TMEM272: variants seen among roughly 807,000 people sequenced by gnomAD.
The protein encoded by TMEM272 is transmembrane protein 272, also known as long intergenic non-protein coding RNA 282.
A neutral mutation model predicts 3.7 loss-of-function variants in TMEM272; 8 were observed. The observed-to-expected ratio is 2.17, with a 90% CI of 1.27 to 3.91. The LOEUF is 3.91. Ranked by LOEUF, TMEM272 falls within the 30% of genes most tolerant of loss-of-function variation. The pLI, the probability that TMEM272 is intolerant of heterozygous loss-of-function variation, is 0.00. For missense variants in TMEM272, 166 were observed against 91.5 expected, an observed-to-expected ratio of 1.81 and a Z score of -3.32; for synonymous variants, 63 against 39.8, an observed-to-expected ratio of 1.58 and a Z score of -2.20.
the TMEM272 span, among the ~76,000 whole-genome samples, chr13:51,900,564 G>A: frequency 6.6e-6 from 1 of 152,174 alleles, no homozygotes; most frequent in African/African-American, 2.4e-5. Context: ...CAATGTTAAT[G>A]TAAAGATACA....
the TMEM272 span, among the ~76,000 whole-genome samples, chr13:51,851,350 AAAGAAGAGG>A: frequency 4.9e-3 from 745 of 151,826 alleles, 21 homozygotes; most frequent in East Asian, 0.082. Flanking sequence ...AACCAAAAAA[AAAGAAGAGG>A]AAGAAGAGGA....
the TMEM272 span, chr13:51,910,700 C>T: frequency 2.5e-6 from 1 of 406,238 alleles, no homozygotes; most frequent in Non-Finnish European, 4.8e-6. Context: ...AATACACAGC[C>T]TTCTGTTCGG....
chr13:51,871,180 T>G, the TMEM272 span, among the ~76,000 whole-genome samples: 5 of 139,648 alleles, frequency 3.6e-5, no homozygotes, highest in Admixed American at 2.4e-4. Flanking sequence ...ATAAGAAAAA[T>G]GCAGAGTATG....
chr13:51,920,160 G>GTGAGCTGCTGCCTGTATTT, the TMEM272 span, among the ~76,000 whole-genome samples: 745 of 151,466 alleles, frequency 4.9e-3, 5 homozygotes, highest in Non-Finnish European at 6.7e-3. Context: ...GCAGAAAGAT[G>GTGAGCTGCTGCCTGTATTT]TGAGCTGCTG....
chr13:51,933,139 T>A, the TMEM272 span: 1 of 152,222 alleles, frequency 6.6e-6, no homozygotes. Flanking sequence ...ATAGATCACC[T>A]GGTAGATTTG....
At chr13:51,844,730 G>C (rs1030266980) in intron 1 of TMEM272, among the ~76,000 whole-genome samples, 11 of 152,196 alleles carry the variant, frequency 7.2e-5, no homozygotes, top group African/African-American at 2.2e-4. Flanking sequence ...TCGCTGTCCT[G>C]CAGCCGGTAG....
At chr13:51,873,205 A>T in the TMEM272 span, among the ~76,000 whole-genome samples, 1 of 152,284 alleles carries the variant, frequency 6.6e-6, no homozygotes, top group Non-Finnish European at 1.5e-5. Context: ...GTAAGTATGG[A>T]GAAAACTCAG....
At chr13:51,889,839 C>T in the TMEM272 span, among the ~76,000 whole-genome samples, 1 of 152,180 alleles carries the variant, frequency 6.6e-6, no homozygotes, top group African/African-American at 2.4e-5. Context: ...CAAGGTTTCT[C>T]CATGTTGGTC....
the TMEM272 span, among the ~76,000 whole-genome samples, chr13:51,869,944 T>C: frequency 1.3e-5 from 2 of 152,198 alleles, no homozygotes; most frequent in African/African-American, 4.8e-5. Context: ...CCTTCCGAGG[T>C]AGAAGTAGAG....
chr13:51,911,137 A>G, the TMEM272 span, among the ~76,000 whole-genome samples: 1 of 152,210 alleles, frequency 6.6e-6, no homozygotes, highest in Non-Finnish European at 1.5e-5. Flanking sequence ...GCCTGAAATC[A>G]TTACTTTGGG....
the TMEM272 span, chr13:51,865,700 T>C: frequency 1.2e-6 from 2 of 1,614,166 alleles, no homozygotes; most frequent in Non-Finnish European, 1.7e-6. Context: ...AAAATCCTTC[T>C]GGGAAATGGA....
chr13:51,899,077 ACTATCT>A, the TMEM272 span, among the ~76,000 whole-genome samples: 1 of 152,222 alleles, frequency 6.6e-6, no homozygotes, highest in African/African-American at 2.4e-5. Context: ...AGTAAATGAA[ACTATCT>A]CTATTCACAG....
chr13:51,835,360 G>A lies in TMEM272; in HGVS notation c.58+3113C>T, dbSNP rs930094711. On this transcript the variant is annotated intron_variant, in intron 2 of 4. Coordinates refer to ENST00000629372, the MANE Select transcript of TMEM272 (RefSeq NM_001351003.2). ...CTGCCCCAGCCTCCCGAGTAGCTGG[G>A]AATACAGTCGTGCACCACCACACCC... Among the ~76,000 whole-genome samples the A allele has an allele frequency of 8.6e-5, 13 of 151,904 alleles. 1 individual carries two copies. Among genetic ancestry groups the A allele is most frequent in the Admixed American group, 6.6e-5 (1 of 15,266 alleles).
chr13:51,883,465 T>A, the TMEM272 span, among the ~76,000 whole-genome samples: 1 of 152,150 alleles, frequency 6.6e-6, no homozygotes, highest in Admixed American at 6.5e-5. Flanking sequence ...AGCCCTCAGC[T>A]GTGAGAGGGG....
the TMEM272 span, among the ~76,000 whole-genome samples, chr13:51,880,567 G>A: frequency 2.6e-5 from 4 of 151,946 alleles, no homozygotes; most frequent in Admixed American, 6.6e-5. Context: ...AAAGTCAGTC[G>A]GTCCCCACAC....
At chr13:51,923,797 A>G in the TMEM272 span, among the ~76,000 whole-genome samples, 3 of 152,150 alleles carry the variant, frequency 2.0e-5, no homozygotes, top group East Asian at 1.9e-4. Context: ...CCCAAGCCCA[A>G]TTAGCCCTCA....
the TMEM272 span, chr13:51,866,073 G>A: frequency 6.4e-7 from 1 of 1,571,320 alleles, no homozygotes; most frequent in Non-Finnish European, 8.6e-7. Flanking sequence ...TCCCGAGGCA[G>A]GGCGTAGCCA....
the TMEM272 span, among the ~76,000 whole-genome samples, chr13:51,901,246 CTT>C: frequency 3.3e-5 from 5 of 152,204 alleles, no homozygotes; most frequent in Non-Finnish European, 5.9e-5. Context: ...TCCACACACA[CTT>C]TAATGAAGCA....
intron 2 of TMEM272, among the ~76,000 whole-genome samples, chr13:51,829,062 T>C (rs944245934): frequency 7.2e-5 from 11 of 152,216 alleles, no homozygotes; most frequent in Non-Finnish European, 1.6e-4. Flanking sequence ...AATACACCCA[T>C]ATCAAGAAGC....
Sources: gnomAD v4.1 joint callset for allele counts (sites outside exome capture counted in the v4.1 genomes callset) on GRCh38, gnomAD v4.1.1 for gene constraint, MANE v1.5 for transcripts, NCBI Gene and HGNC (gene_info 2026-07-23, HGNC 2026-07-21) for gene names.